Variants in PTK2B observed in about 807,000 individuals in gnomAD.
PTK2B encodes protein tyrosine kinase 2 beta.
Under a neutral mutation model 142.9 loss-of-function variants are expected in PTK2B, and 71 were observed. That is an observed-to-expected ratio of 0.50 (90% CI 0.41 to 0.61). PTK2B has a LOEUF of 0.61. Ranked by LOEUF, PTK2B falls within the 20% of genes least tolerant of loss-of-function variation. The pLI, the probability that PTK2B is intolerant of heterozygous loss-of-function variation, is 0.00. For synonymous variants in PTK2B, 519 were observed against 503.4 expected, an observed-to-expected ratio of 1.03 and a Z score of -0.42; for missense variants, 1,105 against 1,320.4, an observed-to-expected ratio of 0.84 and a Z score of 2.53.
At chr8:27,445,462 C>T (rs1811408101) in intron 23 of PTK2B, among the ~76,000 whole-genome samples, 1 of 152,036 alleles carries the variant, frequency 6.6e-6, no homozygotes, top group Admixed American at 6.6e-5. Flanking sequence ...GTGTGTTAAC[C>T]ACATCAGTCA....
chr8:27,449,729 C>T (rs564084473), intron 24 of PTK2B, among the ~76,000 whole-genome samples: 1 of 152,318 alleles, frequency 6.6e-6, no homozygotes, highest in Admixed American at 6.5e-5. Context: ...TTTAGAGACA[C>T]TGAGCAGATA....
intron 1 of PTK2B, among the ~76,000 whole-genome samples, chr8:27,328,411 A>G (rs555987295): frequency 1.5e-3 from 223 of 152,352 alleles, no homozygotes; most frequent in African/African-American, 5.1e-3. Flanking sequence ...GGGTCCTCCT[A>G]AAAGGGAACC....
At chr8:27,326,232 G>A (rs1294553267) in intron 1 of PTK2B, among the ~76,000 whole-genome samples, 4 of 78,738 alleles carry the variant, frequency 5.1e-5, no homozygotes, top group African/African-American at 1.3e-4. Flanking sequence ...GTGTATGTGT[G>A]TGTGTGTGTG....
chr8:27,409,215 T>C (rs1808905954), intron 2 of PTK2B, among the ~76,000 whole-genome samples: 1 of 152,174 alleles, frequency 6.6e-6, no homozygotes, highest in African/African-American at 2.4e-5. Context: ...CATATCCTTT[T>C]GGGGAACCAC....
At chr8:27,376,267 C>T (rs1367449138) in intron 1 of PTK2B, among the ~76,000 whole-genome samples, 1 of 152,214 alleles carries the variant, frequency 6.6e-6, no homozygotes, top group Non-Finnish European at 1.5e-5. Context: ...CCAACTAGTG[C>T]CATTGGCCGT....
In PTK2B at chr8:27,439,335, T is replaced by G; in HGVS notation, c.1771T>G (p.Trp591Gly). The change falls in exon 20 of 31, where the codon TGG becomes GGG. Residue 591 changes from tryptophan (W) to glycine (G), a missense_variant. Physicochemically the swap from Trp to Gly is radical, Grantham distance 184. Coordinates refer to ENST00000346049, the MANE Select transcript of PTK2B (RefSeq NM_173176.3). ...KASVTRLPIKWMSPESINFRR... is the reference protein window; with the variant it reads ...KASVTRLPIKGMSPESINFRR... ...CTCTGTGACTCGTCTCCCCATCAAA[T>G]GGATGTCCCCAGAGTCCATTAACTT... 1 of 1,614,066 alleles carries G rather than the reference T, an allele frequency of 6.2e-7. No individual in the cohort carries two copies. The highest frequency in any genetic ancestry group is 8.5e-7 in the Non-Finnish European group (1 of 1,179,942).
At chr8:27,451,632 A>G (rs766859092) in intron 27 of PTK2B, 123 bp downstream of exon 27, 16 of 1,552,826 alleles carry the variant, frequency 1.0e-5, no homozygotes, top group Middle Eastern at 1.7e-4. Flanking sequence ...AGCATCGGCC[A>G]TGATTTAATT....
chr8:27,364,200 T>C (rs985028082), intron 1 of PTK2B, among the ~76,000 whole-genome samples: 13 of 152,348 alleles, frequency 8.5e-5, no homozygotes, highest in African/African-American at 2.9e-4. Flanking sequence ...TCTGTGCCAC[T>C]GACTGCCACC....
chr8:27,435,831 G>A (rs763285154), intron 14 of PTK2B, 38 bp downstream of exon 14: 2 of 1,601,978 alleles, frequency 1.2e-6, no homozygotes, highest in Non-Finnish European at 1.7e-6. Flanking sequence ...CGTAGTCAAG[G>A]CCCTGTGAAA....
At position 27,350,989 on chromosome 8, in the gene PTK2B, AAATATATATATATATATATATATATATAT is replaced by A. The variant is rs1805034472; in HGVS notation, c.-38+25310_-38+25338del. On this transcript the variant is annotated intron_variant, in intron 1 of 30. Coordinates refer to ENST00000346049, the MANE Select transcript of PTK2B (RefSeq NM_173176.3). ...AGTCTCCGTCTCAAAAAAAAAAAAA[AAATATATATATATATATATATATATATAT>A]ATATATATATATATATATATATACG... Among the ~76,000 whole-genome samples the A allele has an allele frequency of 3.4e-4, 6 of 17,724 alleles. 2 individuals carry two copies. The South Asian group carries it at 0.011, about 34-fold the overall frequency. 11.6% of individuals were successfully genotyped at this position (17,724 alleles called of 152,430 possible).
At chr8:27,338,854 G>GATGGATGAATGGACAATGGACTC (rs1181102779) in intron 1 of PTK2B, among the ~76,000 whole-genome samples, 5 of 152,194 alleles carry the variant, frequency 3.3e-5, no homozygotes, top group Non-Finnish European at 5.9e-5. Flanking sequence ...AAAATAAGTA[G>GATGGATGAATGGACAATGGACTC]ATGGATGAAT....
chr8:27,371,899 A>C (rs1052122326), intron 1 of PTK2B, among the ~76,000 whole-genome samples: 5 of 152,198 alleles, frequency 3.3e-5, no homozygotes, highest in African/African-American at 1.2e-4. Flanking sequence ...GGAGTAATCT[A>C]CTGAGCACCT....
intron 2 of PTK2B, among the ~76,000 whole-genome samples, chr8:27,401,549 G>A (rs1808386353): frequency 6.6e-6 from 1 of 152,212 alleles, no homozygotes; most frequent in Non-Finnish European, 1.5e-5. Context: ...AAAGCTAAAG[G>A]AACAGTGTTC....
At chr8:27,337,306 T>C (rs1180518759) in intron 1 of PTK2B, among the ~76,000 whole-genome samples, 1 of 152,142 alleles carries the variant, frequency 6.6e-6, no homozygotes, top group African/African-American at 2.4e-5. Context: ...TGGCTAGTTT[T>C]TGTATTTTTT....
intron 1 of PTK2B, among the ~76,000 whole-genome samples, chr8:27,333,445 G>A (rs1803877705): frequency 6.6e-6 from 1 of 152,130 alleles, no homozygotes. Context: ...AATTCGCAAG[G>A]GAGCAGATAA....
At chr8:27,454,900 T>C (rs1022663579) in intron 30 of PTK2B, among the ~76,000 whole-genome samples, 4 of 152,218 alleles carry the variant, frequency 2.6e-5, no homozygotes, top group Non-Finnish European at 5.9e-5. Context: ...CCCCCTCCTA[T>C]TATTGTTTAT....
At chr8:27,317,493 A>G (rs552747705) in intron 3 of PTK2B, among the ~76,000 whole-genome samples, 29 of 152,294 alleles carry the variant, frequency 1.9e-4, no homozygotes, top group South Asian at 1.0e-3. Flanking sequence ...AGTTCTCATC[A>G]TGCAGGACTT....
Position 27,440,373 on chromosome 8 carries a change from C to T in PTK2B, c.1971C>T (p.Leu657=). 6.2e-7 allele frequency: 1 copy of T among 1,614,194 alleles called. No individual in the cohort carries two copies. Among genetic ancestry groups the T allele is most frequent in the Non-Finnish European group, 8.5e-7 (1 of 1,180,034 alleles). ...TCTGTCCACCGGTCCTTTATACCCT[C>T]ATGACCCGCTGCTGGGACTACGACC... The part of the protein sequence containing the change: ...PDLCPPVLYT[L]MTRCWDYDPS... The change falls in exon 21 of 31, where the codon CTC becomes CTT. Residue 657 remains leucine, a synonymous_variant. Coordinates refer to ENST00000346049, the MANE Select transcript of PTK2B (RefSeq NM_173176.3).
chr8:27,444,570 C>CT (rs928218363), intron 23 of PTK2B, among the ~76,000 whole-genome samples: 36 of 152,330 alleles, frequency 2.4e-4, no homozygotes, highest in African/African-American at 8.7e-4. Context: ...TCCCTGGCCT[C>CT]CTTACCAGAA....
Sources: gnomAD v4.1 joint callset for allele counts (sites outside exome capture counted in the v4.1 genomes callset) on GRCh38, gnomAD v4.1.1 for gene constraint, MANE v1.5 for transcripts, NCBI Gene and HGNC (gene_info 2026-07-23, HGNC 2026-07-21) for gene names.